Variants in ROBO2 observed in about 807,000 individuals in gnomAD.
The protein encoded by ROBO2 is roundabout homolog 2.
A neutral mutation model predicts 160.8 loss-of-function variants in ROBO2; 53 were observed. The observed-to-expected ratio is 0.33, with a 90% CI of 0.26 to 0.41. The LOEUF (loss-of-function observed/expected upper bound fraction) is 0.41, where lower values mean the gene tolerates loss of function less well. Among genes scored for constraint, ROBO2 ranks in the 10% least tolerant of loss-of-function variants. The pLI is 1.00. For missense variants in ROBO2, 1,577 were observed against 1,722.4 expected, an observed-to-expected ratio of 0.92 and a Z score of 1.49; for synonymous variants, 664 against 611.7, an observed-to-expected ratio of 1.09 and a Z score of -1.26.
At chr3:75,911,706 C>T (rs1414474423) in intron 1 of ROBO2, among the ~76,000 whole-genome samples, 2 of 151,522 alleles carry the variant, frequency 1.3e-5, no homozygotes, top group Non-Finnish European at 2.9e-5. Context: ...TACAGGCGCA[C>T]GCCACCATGC....
chr3:76,649,501 A>C (rs914873533), intron 2 of ROBO2, among the ~76,000 whole-genome samples: 1 of 152,112 alleles, frequency 6.6e-6, no homozygotes, highest in African/African-American at 2.4e-5. Context: ...TAAAACAATT[A>C]ACTGGTTTAT....
rs146409313 is a variant in ROBO2 at position 76,205,964 on chromosome 3, C to T, written c.109+268362C>T. On this transcript the variant is annotated intron_variant, in intron 2 of 26. Coordinates refer to the ROBO2 transcript ENST00000487694. ...TGTTCAACTTTTTACTAGTCCACTT[C>T]CCCTTGACTCACCAGGGCTGAATCT... Among the ~76,000 whole-genome samples, 410 of 152,276 alleles carry T rather than the reference C, an allele frequency of 2.7e-3. 1 individual carries two copies. The highest frequency in any genetic ancestry group is 6.8e-3 in the Middle Eastern group (2 of 294).
At chr3:76,060,311 A>G (rs1025826968) in intron 2 of ROBO2, among the ~76,000 whole-genome samples, 2 of 152,242 alleles carry the variant, frequency 1.3e-5, no homozygotes, top group African/African-American at 2.4e-5. Context: ...CAGAATAGAA[A>G]AAAACCTAAT....
chr3:77,224,232 C>G (rs1264767220), intron 2 of ROBO2, among the ~76,000 whole-genome samples: 7 of 151,948 alleles, frequency 4.6e-5, no homozygotes, highest in Non-Finnish European at 1.0e-4. Flanking sequence ...AGTTTTTGAA[C>G]CTTGATCCAA....
intron 2 of ROBO2, among the ~76,000 whole-genome samples, chr3:77,007,296 C>T (rs540823923): frequency 9.2e-5 from 14 of 152,178 alleles, no homozygotes; most frequent in East Asian, 3.9e-4. Context: ...TCATCACCAA[C>T]GACAGATACA....
chr3:75,991,153 CTCTA>C (rs1356679436), intron 2 of ROBO2, among the ~76,000 whole-genome samples: 1 of 152,134 alleles, frequency 6.6e-6, no homozygotes, highest in Admixed American at 6.5e-5. Context: ...TAATAAATCT[CTCTA>C]TCTATGTGTG....
At position 77,055,861 on chromosome 3, in the gene ROBO2, G is replaced by T. The variant is rs187786734; in HGVS notation, c.61+15015G>T. Reference sequence around the variant, plus strand: ...AATTAACCAAAAGAATGTTTATAAGGTGAACTTTGGCCAAATGATGATTGT... The same window carrying T: ...AATTAACCAAAAGAATGTTTATAAGTTGAACTTTGGCCAAATGATGATTGT... On this transcript the variant is annotated intron_variant, in intron 1 of 25. Transcript: ENST00000461745. Among the ~76,000 whole-genome samples the T allele has an allele frequency of 6.0e-3, 906 of 152,196 alleles. 7 individuals are homozygous for T. The highest frequency in any genetic ancestry group is 0.021 in the African/African-American group (856 of 41,530).
At chr3:77,534,748 C>T (rs888536533) in intron 6 of ROBO2, among the ~76,000 whole-genome samples, 1 of 152,078 alleles carries the variant, frequency 6.6e-6, no homozygotes, top group Non-Finnish European at 1.5e-5. Flanking sequence ...GCAAGTATTG[C>T]TTTCCAGATT....
At chr3:76,315,414 T>C (rs2071931527) in intron 2 of ROBO2, among the ~76,000 whole-genome samples, 1 of 152,212 alleles carries the variant, frequency 6.6e-6, no homozygotes, top group Non-Finnish European at 1.5e-5. Context: ...TCTCCCTCTT[T>C]AGGAAGGATT....
chr3:76,182,355 T>C (rs1257990413), intron 2 of ROBO2, among the ~76,000 whole-genome samples: 1 of 152,156 alleles, frequency 6.6e-6, no homozygotes, highest in Non-Finnish European at 1.5e-5. Context: ...CCATATTTCT[T>C]CCTCAAATAG....
Position 77,559,231 on chromosome 3 carries a change from A to G in ROBO2, c.1437+1082A>G, listed in dbSNP as rs151189108. Among the ~76,000 whole-genome samples, 386 of 152,184 alleles carry G rather than the reference A, an allele frequency of 2.5e-3. 2 individuals carry two copies. Among genetic ancestry groups the G allele is most frequent in the African/African-American group, 9.0e-3 (372 of 41,556 alleles). On this transcript the variant is annotated intron_variant, in intron 9 of 25. Coordinates refer to ENST00000461745, the Ensembl canonical transcript of ROBO2. ...CATACTGACACTTTTGCAATATTAT[A>G]TTGGCCAGAAGGGAACCAACAGGTC... is the stretch of plus-strand genomic sequence containing the variant.
intron 2 of ROBO2, among the ~76,000 whole-genome samples, chr3:76,780,178 T>C (rs768275542): frequency 2.0e-5 from 3 of 150,878 alleles, no homozygotes; most frequent in South Asian, 2.1e-4. Flanking sequence ...TGGGCATTTG[T>C]GTGGAGACAG....
intron 4 of ROBO2, among the ~76,000 whole-genome samples, chr3:77,481,471 C>T (rs140701745): frequency 7.6e-4 from 115 of 152,178 alleles, no homozygotes; most frequent in African/African-American, 2.6e-3. Context: ...CAAAATGTAA[C>T]GTTCTTTCTC....
In ROBO2 at chr3:77,506,317, C is replaced by T. The variant is rs145730590; in HGVS notation, c.806+12935C>T. Among the ~76,000 whole-genome samples the T allele has an allele frequency of 4.7e-3, 722 of 152,248 alleles. 3 individuals are homozygous for T. Among genetic ancestry groups the T allele is most frequent in the East Asian group, 0.013 (69 of 5,182 alleles). On this transcript the variant is annotated intron_variant, in intron 5 of 25. Transcript: ENST00000461745. Reference sequence around the variant, plus strand: ...TATACTGCGTGGTGTCCCAGTGTCTCCATTGTGCACACTTGGAACAACTTT... The same window carrying T: ...TATACTGCGTGGTGTCCCAGTGTCTTCATTGTGCACACTTGGAACAACTTT...
At chr3:76,637,436 G>GA (rs1351885217) in intron 2 of ROBO2, among the ~76,000 whole-genome samples, 86 of 145,638 alleles carry the variant, frequency 5.9e-4, no homozygotes, top group Middle Eastern at 6.9e-3. Flanking sequence ...AAAAAAAAAT[G>GA]AAAAAAAAAA....
At chr3:77,071,801 G>T (rs750887482) in intron 1 of ROBO2, among the ~76,000 whole-genome samples, 1 of 152,126 alleles carries the variant, frequency 6.6e-6, no homozygotes, top group Non-Finnish European at 1.5e-5. Flanking sequence ...TTACTTGCAC[G>T]AGGCTGAGCC....
chr3:77,517,790 G>T (rs2090176667), intron 5 of ROBO2, among the ~76,000 whole-genome samples: 5 of 151,208 alleles, frequency 3.3e-5, no homozygotes, highest in Admixed American at 3.3e-4. Flanking sequence ...ACCAAGACAC[G>T]AATCACACCT....
intron 2 of ROBO2, among the ~76,000 whole-genome samples, chr3:76,638,268 G>A (rs1014913624): frequency 1.3e-5 from 2 of 152,100 alleles, no homozygotes; most frequent in African/African-American, 4.8e-5. Context: ...CCTATCATTA[G>A]CCTTGATAAG....
Position 76,031,221 on chromosome 3 carries a change from G to C in ROBO2, c.109+93619G>C, listed in dbSNP as rs371757564. Among the ~76,000 whole-genome samples, 71 of 152,310 alleles carry C rather than the reference G, an allele frequency of 4.7e-4. No individual in the cohort carries two copies. The East Asian group carries it at 0.013, about 27-fold the overall frequency. ...TTTTTGCACATTGATTTTGTATCCT[G>C]AGACTTTGCTGAAGTTACTTATCAG... On this transcript the variant is annotated intron_variant, in intron 2 of 26. Coordinates refer to the ROBO2 transcript ENST00000487694.
Sources: allele counts gnomAD v4.1 joint callset (sites outside exome capture counted in the v4.1 genomes callset), GRCh38; gene constraint gnomAD v4.1.1; transcripts MANE v1.5; gene names NCBI Gene and HGNC (gene_info 2026-07-23, HGNC 2026-07-21).